MGAT4C: variants seen among roughly 807,000 people sequenced by gnomAD.
MGAT4C encodes the protein MGAT4 family member C.
Under a neutral mutation model 40.1 loss-of-function variants are expected in MGAT4C, and 19 were observed. That is an observed-to-expected ratio of 0.47 (90% CI 0.33 to 0.70). MGAT4C has a LOEUF of 0.70. Ranked by LOEUF, MGAT4C falls within the 30% of genes least tolerant of loss-of-function variation. The pLI is 0.02. For synonymous variants in MGAT4C, 181 were observed against 187.1 expected, an observed-to-expected ratio of 0.97 and a Z score of 0.27; for missense variants, 491 against 563.2, an observed-to-expected ratio of 0.87 and a Z score of 1.30.
chr12:86,526,026 A>G (rs1300415362), intron 2 of MGAT4C, among the ~76,000 whole-genome samples: 1 of 152,192 alleles, frequency 6.6e-6, no homozygotes, highest in Non-Finnish European at 1.5e-5. Flanking sequence ...CAGTTATTCA[A>G]AACAGTGGTG....
intron 2 of MGAT4C, among the ~76,000 whole-genome samples, chr12:86,504,812 G>C (rs1462452995): frequency 6.6e-6 from 1 of 152,012 alleles, no homozygotes; most frequent in Non-Finnish European, 1.5e-5. Context: ...TCAGCCTCCT[G>C]AGTAGCTGAG....
chr12:86,682,613 G>GA (rs904968719), intron 2 of MGAT4C, among the ~76,000 whole-genome samples: 1 of 151,762 alleles, frequency 6.6e-6, no homozygotes, highest in African/African-American at 2.4e-5. Flanking sequence ...CCAAACTAGG[G>GA]AAAAAAAGTT....
At chr12:86,310,165 T>C (rs1259946365) in intron 4 of MGAT4C, among the ~76,000 whole-genome samples, 1 of 152,056 alleles carries the variant, frequency 6.6e-6, no homozygotes, top group Non-Finnish European at 1.5e-5. Flanking sequence ...TTTTTTTTTT[T>C]TTTGCCTGAG....
chr12:86,349,544 G>A (rs1177815617), intron 3 of MGAT4C, among the ~76,000 whole-genome samples: 1 of 152,070 alleles, frequency 6.6e-6, no homozygotes, highest in Non-Finnish European at 1.5e-5. Flanking sequence ...TAAACCCTCT[G>A]TTTTTCTTTT....
intron 2 of MGAT4C, among the ~76,000 whole-genome samples, chr12:86,494,098 T>G (rs1308484749): frequency 6.6e-6 from 1 of 152,048 alleles, no homozygotes; most frequent in African/African-American, 2.4e-5. Context: ...TCATTCACCT[T>G]AAAAAGTTCA....
At chr12:86,354,123 G>A (rs557359996) in intron 3 of MGAT4C, among the ~76,000 whole-genome samples, 1 of 152,258 alleles carries the variant, frequency 6.6e-6, no homozygotes, top group East Asian at 1.9e-4. Context: ...GACATGCTGG[G>A]CAGACCAAAA....
chr12:86,706,148 G>T (rs555869223), intron 2 of MGAT4C, among the ~76,000 whole-genome samples: 1 of 152,244 alleles, frequency 6.6e-6, no homozygotes, highest in East Asian at 1.9e-4. Context: ...TGCTTGCTGT[G>T]ATGATCTTAG....
chr12:86,715,398 G>C (rs1950628059), intron 2 of MGAT4C, among the ~76,000 whole-genome samples: 1 of 152,074 alleles, frequency 6.6e-6, no homozygotes, highest in Non-Finnish European at 1.5e-5. Flanking sequence ...GAAGATTCTG[G>C]CTGTTGGTTA....
At chr12:86,259,740 A>C (rs912532463), upstream of MGAT4C, among the ~76,000 whole-genome samples, 6 of 149,430 alleles carry the variant, frequency 4.0e-5, no homozygotes, top group African/African-American at 1.5e-4. Context: ...GGGGCAAAAC[A>C]CTCTATAGAC....
At chr12:86,821,869 C>T (rs1952712483) in intron 1 of MGAT4C, among the ~76,000 whole-genome samples, 1 of 150,988 alleles carries the variant, frequency 6.6e-6, no homozygotes, top group African/African-American at 2.4e-5. Flanking sequence ...ACAACTGACA[C>T]ATGCTTGTGA....
At position 86,170,552 on chromosome 12, in the gene MGAT4C, C is replaced by T. The variant is rs531464553; in HGVS notation, c.-57+85687G>A. Among the ~76,000 whole-genome samples the T allele has an allele frequency of 5.3e-5, 8 of 152,246 alleles. No individual in the cohort carries two copies. The East Asian group carries it at 1.5e-3, about 29-fold the overall frequency. ...ACATTGTTTCATGTCATGTAAAAGG[C>T]TAATGAAGTAGTCACTAATATTATT... On this transcript the variant is annotated intron_variant, in intron 1 of 4. Coordinates refer to ENST00000611864, the MANE Select transcript of MGAT4C (RefSeq NM_001351288.2).
intron 3 of MGAT4C, among the ~76,000 whole-genome samples, chr12:86,412,844 G>C (rs533073874): frequency 6.6e-6 from 1 of 152,248 alleles, no homozygotes; most frequent in South Asian, 2.1e-4. Flanking sequence ...CTCAGTGTTA[G>C]AGAAGGGGCC....
rs184390863 is a variant in MGAT4C at position 86,307,024 on chromosome 12, G to C, written c.-57+27041C>G. 3.1e-4 allele frequency among the ~76,000 whole-genome samples: 47 copies of C among 150,426 alleles called. 4 individuals carry two copies. The highest frequency in any genetic ancestry group is 1.2e-3 in the African/African-American group (46 of 39,996). On this transcript the variant is annotated intron_variant, in intron 4 of 7. Transcript: ENST00000548651. ...CACACATATGCAGAAATCATTTTTA[G>C]AATGATTTTTCTAGTAGATTCAATG...
chr12:86,038,343 C>T (rs1253022293), intron 2 of MGAT4C, among the ~76,000 whole-genome samples: 1 of 149,384 alleles, frequency 6.7e-6, no homozygotes, highest in Non-Finnish European at 1.5e-5. Context: ...CCTGTCTCAG[C>T]TTTTTTCCCA....
At chr12:86,089,579 G>GTGTTT (rs1053395374) in intron 1 of MGAT4C, among the ~76,000 whole-genome samples, 1 of 151,668 alleles carries the variant, frequency 6.6e-6, no homozygotes, top group African/African-American at 2.4e-5. Context: ...TATTTCTAAA[G>GTGTTT]TGTTTTGTTT....
At chr12:86,783,229 C>T (rs940251879) in intron 1 of MGAT4C, among the ~76,000 whole-genome samples, 22 of 151,766 alleles carry the variant, frequency 1.4e-4, no homozygotes, top group African/African-American at 4.4e-4. Flanking sequence ...GCATAAAGAC[C>T]GAAAGGCCAT....
chr12:86,521,477 G>A (rs1958794155), intron 2 of MGAT4C, among the ~76,000 whole-genome samples: 1 of 152,038 alleles, frequency 6.6e-6, no homozygotes, highest in Non-Finnish European at 1.5e-5. Context: ...CTGTAGCCCT[G>A]TAGTATAGTT....
chr12:86,624,797 G>A (rs977067134), intron 2 of MGAT4C, among the ~76,000 whole-genome samples: 6 of 152,054 alleles, frequency 3.9e-5, no homozygotes, highest in Admixed American at 2.6e-4. Flanking sequence ...GGGGAAAAAA[G>A]CACTCAATAA....
intron 2 of MGAT4C, among the ~76,000 whole-genome samples, chr12:86,718,132 A>G (rs1405078169): frequency 6.6e-6 from 1 of 152,148 alleles, no homozygotes; most frequent in Non-Finnish European, 1.5e-5. Flanking sequence ...GCCCCCCACA[A>G]CAAAATTGCC....
Sources: allele counts gnomAD v4.1 joint callset (sites outside exome capture counted in the v4.1 genomes callset), GRCh38; gene constraint gnomAD v4.1.1; transcripts MANE v1.5; gene names NCBI Gene and HGNC (gene_info 2026-07-23, HGNC 2026-07-21).